The following LARGE1 variants were observed in gnomAD, a reference collection of about 807,000 sequenced individuals.
The protein encoded by LARGE1 is LARGE xylosyl- and glucuronyltransferase 1.
In LARGE1, 43 loss-of-function variants were observed where a neutral mutation model predicts 87.6. The observed-to-expected ratio is 0.49, with a 90% CI of 0.38 to 0.63. The LOEUF (loss-of-function observed/expected upper bound fraction) is 0.63, where lower values mean the gene tolerates loss of function less well. Ranked by LOEUF, LARGE1 falls within the 30% of genes least tolerant of loss-of-function variation. The pLI, the probability that LARGE1 is intolerant of heterozygous loss-of-function variation, is 0.00. For synonymous variants in LARGE1, 434 were observed against 394.6 expected (o/e 1.10, Z -1.18); for missense variants, 802 against 1,000.2 (o/e 0.80, Z 2.67).
At chr22:33,685,207 G>A (rs1603137519) in intron 2 of LARGE1, among the ~76,000 whole-genome samples, 1 of 152,200 alleles carries the variant, frequency 6.6e-6, no homozygotes, top group Non-Finnish European at 1.5e-5. Context: ...GAAACCCTGG[G>A]CACTGGATGA....
chr22:33,799,949 G>A (rs1885826389), intron 1 of LARGE1, among the ~76,000 whole-genome samples: 1 of 152,160 alleles, frequency 6.6e-6, no homozygotes, highest in Non-Finnish European at 1.5e-5. Flanking sequence ...TGCATGTGGT[G>A]GGCTCTATTT....
chr22:33,238,405 T>C (rs1220627724), intron 11 of LARGE1, among the ~76,000 whole-genome samples: 1 of 152,170 alleles, frequency 6.6e-6, no homozygotes, highest in Non-Finnish European at 1.5e-5. Context: ...TCTATAATCA[T>C]AGGGCGTGAT....
At chr22:33,793,781 C>T (rs965715997) in intron 1 of LARGE1, among the ~76,000 whole-genome samples, 3 of 134,740 alleles carry the variant, frequency 2.2e-5, no homozygotes, top group Non-Finnish European at 4.9e-5. Context: ...AGGCAAGCAC[C>T]CCCCAACTTT....
chr22:33,844,823 A>G (rs555163672), intron 1 of LARGE1, among the ~76,000 whole-genome samples: 2 of 151,102 alleles, frequency 1.3e-5, no homozygotes, highest in South Asian at 4.2e-4. Flanking sequence ...CGGGCTCAAG[A>G]GATTCTCCTG....
the LARGE1 span, among the ~76,000 whole-genome samples, chr22:33,145,591 G>A: frequency 4.6e-5 from 7 of 152,318 alleles, no homozygotes; most frequent in Non-Finnish European, 7.3e-5. Flanking sequence ...CACAGTCTAA[G>A]CTGGACAAAG....
At chr22:33,562,262 T>C (rs1193148653) in intron 6 of LARGE1, among the ~76,000 whole-genome samples, 2 of 152,220 alleles carry the variant, frequency 1.3e-5, no homozygotes, top group African/African-American at 4.8e-5. Flanking sequence ...TTATTTTCTT[T>C]TCACCTCTGT....
At chr22:33,626,466 T>A (rs1410408986) in intron 3 of LARGE1, 140 bp from the exon 4 acceptor site, 9 of 701,808 alleles carry the variant, frequency 1.3e-5, no homozygotes, top group Non-Finnish European at 1.8e-5. Context: ...TCTGCAGCTG[T>A]GGAAAATAAC....
chr22:33,490,946 T>C (rs1335361047), intron 6 of LARGE1, among the ~76,000 whole-genome samples: 2 of 152,200 alleles, frequency 1.3e-5, no homozygotes, highest in Non-Finnish European at 2.9e-5. Context: ...CTCTTTATTG[T>C]TGCCTACATG....
intron 6 of LARGE1, among the ~76,000 whole-genome samples, chr22:33,434,883 T>TTGAGG: frequency 6.6e-6 from 1 of 152,166 alleles, no homozygotes; most frequent in Admixed American, 6.5e-5. Context: ...AAGGTCCATC[T>TTGAGG]CCAGCATGAA....
the LARGE1 span, among the ~76,000 whole-genome samples, chr22:33,071,447 C>T: frequency 1.3e-5 from 2 of 152,186 alleles, no homozygotes; most frequent in Non-Finnish European, 2.9e-5. Context: ...GTCTCCTCCA[C>T]TAGACTCTGA....
chr22:33,842,987 G>C (rs1171179105), intron 1 of LARGE1, among the ~76,000 whole-genome samples: 1 of 152,030 alleles, frequency 6.6e-6, no homozygotes, highest in Non-Finnish European at 1.5e-5. Flanking sequence ...TCTCCAAACA[G>C]GGCATCTGTT....
intron 6 of LARGE1, among the ~76,000 whole-genome samples, chr22:33,471,200 G>A (rs1362329322): frequency 6.6e-6 from 1 of 151,794 alleles, no homozygotes; most frequent in Non-Finnish European, 1.5e-5. Context: ...GCTCATACTT[G>A]TATTTTTAGT....
Position 33,650,441 on chromosome 22 carries a change from C to T in LARGE1, c.334G>A (p.Glu112Lys), listed in dbSNP as rs146078928. 2.4e-5 allele frequency: 39 copies of T among 1,614,164 alleles called. No homozygotes were observed. The African/African-American group carries it at 2.5e-4, about 10-fold the overall frequency. The change falls in exon 3 of 15, where the codon GAG becomes AAG. Residue 112 changes from glutamate (E) to lysine (K), a missense_variant. Coordinates refer to ENST00000397394, the MANE Select transcript of LARGE1 (RefSeq NM_133642.5). ...YSMEEGTGDS[E>K]NLRAGIVAGN... ...GCCACGATGCCAGCCCGAAGGTTCT[C>T]GCTGTCTCCAGTGCCCTCCTCCATG...
At chr22:33,756,806 AAGG>A (rs764932431) in intron 2 of LARGE1, among the ~76,000 whole-genome samples, 3 of 152,128 alleles carry the variant, frequency 2.0e-5, no homozygotes, top group Non-Finnish European at 2.9e-5. Context: ...CCTGATCACA[AAGG>A]AGGAGTGGCA....
chr22:33,309,698 C>T (rs130249), intron 11 of LARGE1, among the ~76,000 whole-genome samples: 71,741 of 151,994 alleles, frequency 0.47, 18,476 homozygotes, highest in East Asian at 0.76. Flanking sequence ...AAGGATCTGG[C>T]GTTGTGAAAA....
At chr22:33,496,949 T>C (rs1411535442) in intron 6 of LARGE1, among the ~76,000 whole-genome samples, 1 of 152,180 alleles carries the variant, frequency 6.6e-6, no homozygotes, top group Non-Finnish European at 1.5e-5. Flanking sequence ...TTGTTTGGGA[T>C]CTTGTTCATA....
intron 1 of LARGE1, among the ~76,000 whole-genome samples, chr22:33,873,856 T>C (rs1476068753): frequency 2.0e-5 from 3 of 151,690 alleles, no homozygotes; most frequent in African/African-American, 7.3e-5. Context: ...CAAGTACAAG[T>C]CACTGGTTTC....
chr22:33,109,133 T>A, the LARGE1 span: 1 of 151,336 alleles, frequency 6.6e-6, no homozygotes, highest in Non-Finnish European at 1.5e-5. Flanking sequence ...GGAGAGGAGG[T>A]CACATTTCAA....
the LARGE1 span, among the ~76,000 whole-genome samples, chr22:33,152,500 T>C: frequency 7.2e-5 from 11 of 152,238 alleles, no homozygotes; most frequent in African/African-American, 2.4e-4. Flanking sequence ...GTCTTTTCAG[T>C]TCTAATCATA....
Sources: allele counts gnomAD v4.1 joint callset (sites outside exome capture counted in the v4.1 genomes callset), GRCh38; gene constraint gnomAD v4.1.1; transcripts MANE v1.5; gene names NCBI Gene and HGNC (gene_info 2026-07-23, HGNC 2026-07-21).